Variants in PCDHGB1 observed in about 807,000 individuals in gnomAD.
PCDHGB1 encodes the protein protocadherin gamma-B1.
Under a neutral mutation model 56.6 loss-of-function variants are expected in PCDHGB1, and 34 were observed. The ratio of observed to expected loss-of-function variants is 0.60; its 90% CI spans 0.46 to 0.80. The LOEUF is 0.80. PCDHGB1 is among the 30% of genes least tolerant of loss of function. PCDHGB1 has a pLI of 0.00. For synonymous variants in PCDHGB1, 561 were observed against 505.9 expected, an observed-to-expected ratio of 1.11 and a Z score of -1.46; for missense variants, 1,278 against 1,204.6, an observed-to-expected ratio of 1.06 and a Z score of -0.90.
At chr5:141,399,947 C>G in intron 1 of PCDHGB1, 1 of 1,612,228 alleles carries the variant, frequency 6.2e-7, no homozygotes. Context: ...GTGCTGCAGG[C>G]TAGCGAGCCC....
intron 1 of PCDHGB1, chr5:141,384,943 G>A (rs777478209): frequency 5.6e-6 from 9 of 1,613,996 alleles, no homozygotes; most frequent in African/African-American, 2.7e-5. Context: ...TGAGCCCTCC[G>A]ACGGTCCTTA....
chr5:141,400,507 A>G (rs1158150708), intron 1 of PCDHGB1: 1 of 1,613,864 alleles, frequency 6.2e-7, no homozygotes, highest in Non-Finnish European at 8.5e-7. Context: ...CAGCGAGTCG[A>G]CTTCCCATCC....
In PCDHGB1 at chr5:141,382,905, G is replaced by C. The variant is rs773530372; in HGVS notation, c.2409+30236G>C. On this transcript the variant is annotated intron_variant, in intron 1 of 3. Transcript: ENST00000523390. Reference sequence around the variant, plus strand: ...GCAAGAGAAGCAGGACGACTATGGCGGCTCAGCCGAGGGGCGGGGACTACA... The same window carrying C: ...GCAAGAGAAGCAGGACGACTATGGCCGCTCAGCCGAGGGGCGGGGACTACA... 3.8e-5 allele frequency: 59 copies of C among 1,544,508 alleles called. No individual in the cohort carries two copies. The South Asian group carries it at 5.7e-4, about 15-fold the overall frequency.
chr5:141,390,118 C>A (rs1031170621), intron 1 of PCDHGB1: 2 of 1,613,918 alleles, frequency 1.2e-6, no homozygotes, highest in African/African-American at 2.7e-5. Context: ...AGCGAGGGGA[C>A]TTTGCCTTAT....
intron 1 of PCDHGB1, chr5:141,404,057 T>C (rs558471539): frequency 1.2e-5 from 19 of 1,613,894 alleles, no homozygotes; most frequent in Non-Finnish European, 1.4e-5. Context: ...AATTCTTCTT[T>C]TCAATGCTCA....
At chr5:141,423,091 G>C (rs1243671863) in intron 1 of PCDHGB1, 11 of 1,613,908 alleles carry the variant, frequency 6.8e-6, no homozygotes, top group South Asian at 2.2e-5. Context: ...CGCGGTGGGG[G>C]AGCACACGGG....
chr5:141,414,377 C>T (rs2095740461), intron 1 of PCDHGB1: 1 of 1,613,760 alleles, frequency 6.2e-7, no homozygotes, highest in South Asian at 1.1e-5. Context: ...TTAGAAAAGT[C>T]CATTGACAGT....
At chr5:141,359,388 T>C (rs960100027) in intron 1 of PCDHGB1, among the ~76,000 whole-genome samples, 6 of 152,096 alleles carry the variant, frequency 3.9e-5, no homozygotes, top group African/African-American at 9.7e-5. Context: ...ATTTATAACC[T>C]AAAATCAAAT....
chr5:141,425,500 T>C (rs2096879850), intron 1 of PCDHGB1, among the ~76,000 whole-genome samples: 1 of 152,246 alleles, frequency 6.6e-6, no homozygotes, highest in South Asian at 2.1e-4. Context: ...GCTATACCTT[T>C]ATATTCTCTT....
chr5:141,383,453 G>C lies in PCDHGB1; in HGVS notation c.2409+30784G>C, dbSNP rs116033027. 4.2e-4 allele frequency: 670 copies of C among 1,613,934 alleles called. 4 individuals are homozygous for C. The African/African-American group carries it at 7.6e-3, about 18-fold the overall frequency. The stretch of plus-strand genomic sequence containing the variant: ...CACTTCTCCCTGGCTGTGCAAAGTG[G>C]AGACGATGAAACTAAGTACCCGGAA... On this transcript the variant is annotated intron_variant, in intron 1 of 3. Coordinates refer to ENST00000523390, the MANE Select transcript of PCDHGB1 (RefSeq NM_018922.3).
intron 1 of PCDHGB1, chr5:141,399,493 A>G (rs2093820399): frequency 1.2e-6 from 2 of 1,614,036 alleles, no homozygotes; most frequent in African/African-American, 2.7e-5. Context: ...CTACTTAGTC[A>G]GTGTACCCGA....
chr5:141,484,897 A>G (rs2099602925), intron 1 of PCDHGB1: 2 of 392,698 alleles, frequency 5.1e-6, no homozygotes, highest in Middle Eastern at 7.1e-4. Flanking sequence ...TTTCCCCTCC[A>G]ATGCTGCGAC....
chr5:141,405,770 G>A (rs989163026), intron 1 of PCDHGB1, among the ~76,000 whole-genome samples: 9 of 152,030 alleles, frequency 5.9e-5, no homozygotes, highest in South Asian at 4.2e-4. Flanking sequence ...GAGCCACTGC[G>A]CCTGGCCCTT....
At chr5:141,423,750 TGGGGGGGG>T in intron 1 of PCDHGB1, 1 of 287,524 alleles carries the variant, frequency 3.5e-6, no homozygotes, top group Non-Finnish European at 4.5e-6. Flanking sequence ...GAAAACTGTT[TGGGGGGGG>T]GGTGGGGCGG....
chr5:141,370,966 A>T (rs1417305082), intron 1 of PCDHGB1: 1 of 1,614,000 alleles, frequency 6.2e-7, no homozygotes, highest in Middle Eastern at 1.6e-4. Flanking sequence ...GGCAGTAGGT[A>T]CCCAGAGCTA....
intron 1 of PCDHGB1, among the ~76,000 whole-genome samples, chr5:141,439,270 A>G (rs1381185021): frequency 6.6e-6 from 1 of 152,140 alleles, no homozygotes; most frequent in African/African-American, 2.4e-5. Flanking sequence ...CCAACAGTTC[A>G]TTCTGAGACT....
At chr5:141,389,243 T>C (rs370534911) in intron 1 of PCDHGB1, 4 of 1,614,056 alleles carry the variant, frequency 2.5e-6, no homozygotes, top group Non-Finnish European at 3.4e-6. Flanking sequence ...TCTCACAGTC[T>C]TCCTATATAG....
chr5:141,356,729 A>T, intron 1 of PCDHGB1: 3 of 1,613,954 alleles, frequency 1.9e-6, no homozygotes, highest in Non-Finnish European at 2.5e-6. Context: ...ATCAACTCCA[A>T]TACAGGGATC....
intron 1 of PCDHGB1, chr5:141,366,049 G>A (rs542025009): frequency 1.9e-6 from 3 of 1,614,244 alleles, no homozygotes; most frequent in Non-Finnish European, 8.5e-7. Flanking sequence ...ACGGTTCCAC[G>A]GGCGTGGAGC....
Sources: allele counts gnomAD v4.1 joint callset (sites outside exome capture counted in the v4.1 genomes callset), GRCh38; gene constraint gnomAD v4.1.1; transcripts MANE v1.5; gene names NCBI Gene and HGNC (gene_info 2026-07-23, HGNC 2026-07-21).